WNT8B: variants seen among roughly 807,000 people sequenced by gnomAD.
WNT8B encodes protein Wnt-8b.
A neutral mutation model predicts 36.6 loss-of-function variants in WNT8B; 24 were observed. That is an observed-to-expected ratio of 0.66 (90% CI 0.48 to 0.92). The LOEUF is 0.92. WNT8B is among the 40% of genes least tolerant of loss of function. The probability of loss-of-function intolerance (pLI) is 0.00; values close to 1 mark genes in which losing one functional copy is unlikely to be tolerated. For synonymous variants in WNT8B, 199 were observed against 189.8 expected (o/e 1.05, Z -0.40); for missense variants, 402 against 470.8 (o/e 0.85, Z 1.35).
At chr10:100,465,571 C>T (rs769292572) in intron 1 of WNT8B, among the ~76,000 whole-genome samples, 9 of 152,306 alleles carry the variant, frequency 5.9e-5, no homozygotes, top group Non-Finnish European at 1.2e-4. Flanking sequence ...TCTCTCCCCA[C>T]CTAACTCAGT....
chr10:100,469,500 T>C (rs992152914), intron 1 of WNT8B, among the ~76,000 whole-genome samples: 3 of 152,252 alleles, frequency 2.0e-5, no homozygotes, highest in Admixed American at 1.3e-4. Flanking sequence ...CTGATTTCAA[T>C]ACTTTGGAAT....
chr10:100,482,424 C>CA lies in WNT8B; in HGVS notation c.665dup (p.Ala224CysfsTer111). On this transcript the variant is annotated frameshift_variant, in exon 6 of 6. Coordinates refer to ENST00000343737, the MANE Select transcript of WNT8B (RefSeq NM_003393.4). LOFTEE classifies it high-confidence loss of function. The surrounding 1 kb of genome is among the most constrained non-coding windows in gnomAD (Gnocchi z 6.6). ...CGCAGCACTCAAGGTGGACCTGCTG[C>CA]AGGGTGCTGGCAACAGCGCGGCCGG... 6.2e-7 allele frequency: 1 copy of CA among 1,606,900 alleles called. No homozygotes were observed. The highest frequency in any genetic ancestry group is 8.5e-7 in the Non-Finnish European group (1 of 1,179,916).
chr10:100,469,417 C>T (rs1021144029), intron 1 of WNT8B, among the ~76,000 whole-genome samples: 1 of 152,332 alleles, frequency 6.6e-6, no homozygotes, highest in East Asian at 1.9e-4. Flanking sequence ...CTGAATACTT[C>T]TCTTCCCTTT....
At chr10:100,480,793 C>G (rs1851099975) in intron 3 of WNT8B, among the ~76,000 whole-genome samples, 1 of 151,828 alleles carries the variant, frequency 6.6e-6, no homozygotes, top group Non-Finnish European at 1.5e-5. Context: ...AAGACTGAGC[C>G]CAGAGTTTGA....
At chr10:100,465,436 A>G (rs1034036139) in intron 1 of WNT8B, among the ~76,000 whole-genome samples, 22 of 152,298 alleles carry the variant, frequency 1.4e-4, no homozygotes, top group African/African-American at 5.3e-4. Context: ...TTTCCTTCCA[A>G]TGCACTTACT....
At position 100,482,252 on chromosome 10, in the gene WNT8B, C is replaced by G; in HGVS notation, c.511-19C>G. On this transcript the variant is annotated intron_variant, in intron 5 of 5. Transcript: ENST00000343737. The surrounding 1 kb of genome is among the most constrained non-coding windows in gnomAD (Gnocchi z 6.6). Reference sequence around the variant, plus strand: ...CACGCGCTTAATCCGGGGCCTCTCACTCCTAGCTCTCTCCCCAGGCGGTGA... The same window carrying G: ...CACGCGCTTAATCCGGGGCCTCTCAGTCCTAGCTCTCTCCCCAGGCGGTGA... 3.2e-6 allele frequency: 5 copies of G among 1,569,080 alleles called. No individual in the cohort carries two copies. The highest frequency in any genetic ancestry group is 4.3e-6 in the Non-Finnish European group (5 of 1,162,926).
At chr10:100,467,472 A>G (rs1173536195) in intron 1 of WNT8B, among the ~76,000 whole-genome samples, 2 of 152,146 alleles carry the variant, frequency 1.3e-5, no homozygotes, top group Non-Finnish European at 2.9e-5. Flanking sequence ...TATACTCTCC[A>G]GGCCAAATTT....
At chr10:100,478,930 A>G (rs1177795739) in intron 1 of WNT8B, 122 bp from the exon 2 acceptor site, 2 of 843,560 alleles carry the variant, frequency 2.4e-6, no homozygotes, top group East Asian at 5.5e-5. Flanking sequence ...TCCTGGGTAA[A>G]ACTAGTTTCC....
chr10:100,483,713 T>C lies in WNT8B; in HGVS notation c.*897T>C, dbSNP rs970364666. 2 of 152,208 alleles carry C rather than the reference T, an allele frequency of 1.3e-5. No homozygotes were observed. Among genetic ancestry groups the C allele is most frequent in the African/African-American group, 4.8e-5 (2 of 41,440 alleles). The allele number at this position is 152,208 out of a possible 1,614,324, so 9.4% of individuals were successfully genotyped here. On this transcript the variant is annotated 3_prime_UTR_variant, in exon 6 of 6. Coordinates refer to ENST00000343737, the MANE Select transcript of WNT8B (RefSeq NM_003393.4). ...CAAGACTGAGGTAAATAAAGCCACT[T>C]TCCTCTTCAGATCCTGGTCTGCACC...
chr10:100,477,885 T>C (rs1851058984), intron 1 of WNT8B, among the ~76,000 whole-genome samples: 2 of 151,914 alleles, frequency 1.3e-5, no homozygotes, highest in Non-Finnish European at 2.9e-5. Flanking sequence ...CAAGCGATTC[T>C]TGTGCCTCAG....
chr10:100,478,086 T>C (rs1282996309), intron 1 of WNT8B, among the ~76,000 whole-genome samples: 1 of 152,136 alleles, frequency 6.6e-6, no homozygotes, highest in African/African-American at 2.4e-5. Context: ...GCCCAGCCCA[T>C]TTTTAGTTTT....
In WNT8B at chr10:100,482,781, G is replaced by A. The variant is rs771926971; in HGVS notation, c.1021G>A (p.Gly341Arg). The change falls in exon 6 of 6, where the codon GGG (glycine) becomes AGG (arginine). Residue 341 changes from glycine to arginine, a missense_variant. Transcript: ENST00000343737. The surrounding 1 kb of genome is among the most constrained non-coding windows in gnomAD (Gnocchi z 6.6). ...CTGTAGCCGCGCAGAGCGGCCGCGG[G>A]GGGGCGCTGCGCACAAACCCGGGAG... ...YFCSRAERPR[G>R]GAAHKPGRKP 1.9e-6 allele frequency: 3 copies of A among 1,587,656 alleles called. No homozygotes were observed. The highest frequency in any genetic ancestry group is 1.7e-6 in the Non-Finnish European group (2 of 1,165,504).
At chr10:100,480,868 T>A in intron 3 of WNT8B, 130 bp from the exon 4 acceptor site, 1 of 1,098,118 alleles carries the variant, frequency 9.1e-7, no homozygotes, top group East Asian at 2.6e-5. Flanking sequence ...AAAATAATAA[T>A]AAAGATGGGG....
chr10:100,482,851 C>A lies in WNT8B; in HGVS notation c.*35C>A. ...CTGCCCCCTCCTTTTCCCACTGGTT[C>A]TTGGCTTCCTTTAGAGACCCCGGTA... is the stretch of plus-strand genomic sequence containing the variant. On this transcript the variant is annotated 3_prime_UTR_variant, in exon 6 of 6. Transcript: ENST00000343737. This position sits in a 1 kb window ranked among gnomAD's most constrained non-coding sequence, Gnocchi z 6.6. The A allele has an allele frequency of 6.9e-7, 1 of 1,454,138 alleles. No individual in the cohort carries two copies. The highest frequency in any genetic ancestry group is 1.5e-5 in the South Asian group (1 of 67,792). The allele number at this position is 1,454,138 out of a possible 1,614,324, so 90.1% of individuals were successfully genotyped here. A position where few individuals can be genotyped will look rare whatever the true frequency, so the allele number is the denominator to read the frequency against.
chr10:100,475,212 T>C (rs1188524070), intron 1 of WNT8B, among the ~76,000 whole-genome samples: 1 of 151,508 alleles, frequency 6.6e-6, no homozygotes, highest in Non-Finnish European at 1.5e-5. Context: ...TGCACTCCAA[T>C]CTGGGCAAGA....
chr10:100,479,105 A>G lies in WNT8B; in HGVS notation c.102+20A>G, dbSNP rs1323327617. The G allele has an allele frequency of 5.0e-6, 8 of 1,590,850 alleles. No homozygotes were observed. The highest frequency in any genetic ancestry group is 6.0e-6 in the Non-Finnish European group (7 of 1,171,540). On this transcript the variant is annotated intron_variant, in intron 2 of 5. Coordinates refer to ENST00000343737, the MANE Select transcript of WNT8B (RefSeq NM_003393.4). The stretch of plus-strand genomic sequence containing the variant: ...CCAAAGGTAAGAACAAATTCCATTA[A>G]TTGATATGGATTTCACTAATCTTAG...
intron 1 of WNT8B, among the ~76,000 whole-genome samples, chr10:100,466,777 A>C (rs758698637): frequency 6.6e-6 from 1 of 151,166 alleles, no homozygotes; most frequent in Non-Finnish European, 1.5e-5. Flanking sequence ...TCTTTTTCCC[A>C]GCTGGGAAAA....
intron 1 of WNT8B, among the ~76,000 whole-genome samples, chr10:100,467,172 G>T (rs1850915948): frequency 6.6e-6 from 1 of 151,944 alleles, no homozygotes; most frequent in South Asian, 2.1e-4. Context: ...TTTATGGTTT[G>T]TTTTTCTCAA....
intron 1 of WNT8B, among the ~76,000 whole-genome samples, chr10:100,475,037 T>G (rs1851022029): frequency 1.3e-5 from 2 of 151,418 alleles, no homozygotes; most frequent in Admixed American, 1.3e-4. Flanking sequence ...GATTGGGAGT[T>G]CGAGACCAGC....
Sources: allele counts gnomAD v4.1 joint callset (sites outside exome capture counted in the v4.1 genomes callset), GRCh38; gene constraint gnomAD v4.1.1; non-coding constraint Gnocchi (gnomAD v3.1); transcripts MANE v1.5; gene names NCBI Gene and HGNC (gene_info 2026-07-23, HGNC 2026-07-21).